CBX3: variants seen among roughly 807,000 people sequenced by gnomAD.
The protein encoded by CBX3 is chromobox 3.
In CBX3, 5 loss-of-function variants were observed where a neutral mutation model predicts 22.6. The ratio of observed to expected loss-of-function variants is 0.22; its 90% confidence interval spans 0.12 to 0.47. The LOEUF (loss-of-function observed/expected upper bound fraction) is 0.47, where lower values mean the gene tolerates loss of function less well. Among genes scored for constraint, CBX3 ranks in the 20% least tolerant of loss-of-function variants. The pLI is 0.99. For missense variants in CBX3, 83 were observed against 208.1 expected (o/e 0.40, Z 3.70); for synonymous variants, 50 against 66.6 (o/e 0.75, Z 1.21).
rs1437956252 is a variant in CBX3 at position 26,208,377 on chromosome 7, A to C, written c.168-16A>C. ...TAATTCAATCACCTTTTTTTTTTTT[A>C]ATAAACTAAACACAGTGCTGACAAT... On this transcript the variant is annotated splice_polypyrimidine_tract_variant and intron_variant, in intron 3 of 5. Coordinates refer to ENST00000396386, the MANE Select transcript of CBX3 (RefSeq NM_016587.4). 1 of 1,493,970 alleles carries C rather than the reference A, an allele frequency of 6.7e-7. No homozygotes were observed. The highest frequency in any genetic ancestry group is 1.3e-5 in the South Asian group (1 of 78,086). The allele number at this position is 1,493,970 out of a possible 1,614,324, so 92.5% of individuals were successfully genotyped here. A position where few individuals can be genotyped will look rare whatever the true frequency, so the allele number is the denominator to read the frequency against.
In CBX3 at chr7:26,213,301, T is replaced by C. The variant is rs1377906824; in HGVS notation, c.*1093T>C. 6.5e-6 allele frequency: 1 copy of C among 152,722 alleles called. No homozygotes were observed. Among genetic ancestry groups the C allele is most frequent in the Non-Finnish European group, 1.5e-5 (1 of 68,050 alleles). The allele number at this position is 152,722 out of a possible 1,614,324, so 9.5% of individuals were successfully genotyped here. On this transcript the variant is annotated 3_prime_UTR_variant, in exon 6 of 6. Coordinates refer to ENST00000396386, the MANE Select transcript of CBX3 (RefSeq NM_016587.4). ...TTATCCAACTGTATATTGTTTACTT[T>C]ATTGTAAATACTGGTGAACAGTGGT...
chr7:26,204,178 C>G (rs949381548), intron 2 of CBX3, among the ~76,000 whole-genome samples: 1 of 151,194 alleles, frequency 6.6e-6, no homozygotes, highest in African/African-American at 2.4e-5. Flanking sequence ...GCATTTGAAA[C>G]TAGCTTATGA....
chr7:26,208,316 T>C, intron 3 of CBX3, 77 bp from the exon 4 acceptor site: 1 of 1,224,350 alleles, frequency 8.2e-7, no homozygotes, highest in Middle Eastern at 2.1e-4. Context: ...CGGGTGTCTA[T>C]TAAAATAGAT....
At chr7:26,208,855 T>C in intron 4 of CBX3, among the ~76,000 whole-genome samples, 1 of 146,880 alleles carries the variant, frequency 6.8e-6, no homozygotes, top group Admixed American at 7.1e-5. Context: ...CCTGACCTCA[T>C]GATCCTCCCG....
At chr7:26,207,260 T>C (rs1224481350) in intron 3 of CBX3, among the ~76,000 whole-genome samples, 1 of 152,250 alleles carries the variant, frequency 6.6e-6, no homozygotes, top group African/African-American at 2.4e-5. Context: ...GCTCTTCACA[T>C]TTAATTCATA....
At chr7:26,208,659 C>T (rs1008142598) in intron 4 of CBX3, 104 bp downstream of exon 4, 19 of 1,111,870 alleles carry the variant, frequency 1.7e-5, no homozygotes, top group Non-Finnish European at 2.2e-5. Flanking sequence ...TTGCTCTTGT[C>T]GCCCAGGCTG....
chr7:26,208,364 C>T (rs1784728041), intron 3 of CBX3, 29 bp from the exon 4 acceptor site: 18 of 1,179,588 alleles, frequency 1.5e-5, no homozygotes, highest in Middle Eastern at 4.4e-4. Context: ...ATTCAATCAC[C>T]TTTTTTTTTT....
intron 2 of CBX3, among the ~76,000 whole-genome samples, chr7:26,205,083 C>T (rs1439261291): frequency 2.0e-5 from 3 of 152,216 alleles, no homozygotes; most frequent in Non-Finnish European, 2.9e-5. Flanking sequence ...GCCACTGCCC[C>T]CGGCAATAGC....
intron 3 of CBX3, chr7:26,208,048 T>TAA (rs571628520): frequency 2.3e-4 from 33 of 142,570 alleles, no homozygotes; most frequent in Admixed American, 4.2e-4. Flanking sequence ...CCTTCTCTAT[T>TAA]AAAAAAAAAA....
chr7:26,211,693 T>A lies in CBX3; in HGVS notation c.362T>A (p.Leu121His). The change falls in exon 5 of 6, where the codon CTT becomes CAT. Residue 121 changes from leucine (L) to histidine (H), a missense_variant. Around this residue, in one of 3 missense-constraint regions of CBX3, gnomAD observed 59 missense variants for 155.0 expected, o/e 0.38. Coordinates refer to ENST00000396386, the MANE Select transcript of CBX3 (RefSeq NM_016587.4). ...AAACCAAGAGGATTTGCCAGAGGTC[T>A]TGATCCTGAAAGAATAATTGGTGCC... is the stretch of plus-strand genomic sequence containing the variant. Reference protein sequence around the residue: ...ADKPRGFARGLDPERIIGATD... With the variant: ...ADKPRGFARGHDPERIIGATD... 1 of 1,611,268 alleles carries A rather than the reference T, an allele frequency of 6.2e-7. No homozygotes were observed.
At chr7:26,210,184 T>G (rs918774157) in intron 4 of CBX3, 1 of 152,230 alleles carries the variant, frequency 6.6e-6, no homozygotes. Context: ...TCTCAGCTAC[T>G]TGGGAGGCTG....
In CBX3 at chr7:26,212,361, G is replaced by A. The variant is rs1321726459; in HGVS notation, c.*153G>A. 5.1e-6 allele frequency: 2 copies of A among 393,754 alleles called. No homozygotes were observed. Among genetic ancestry groups the A allele is most frequent in the Non-Finnish European group, 7.9e-6 (2 of 252,624 alleles). The allele number at this position is 393,754 out of a possible 1,614,324, so 24.4% of individuals were successfully genotyped here. A position where few individuals can be genotyped will look rare whatever the true frequency, so the allele number is the denominator to read the frequency against. On this transcript the variant is annotated 3_prime_UTR_variant, in exon 6 of 6. Coordinates refer to ENST00000396386, the MANE Select transcript of CBX3 (RefSeq NM_016587.4). The stretch of plus-strand genomic sequence containing the variant: ...AGTAGCGTTGGAAGAGTTGTTGGGG[G>A]TTTTTTGCATCCATAGCACTGGTTA...
At chr7:26,204,814 A>T (rs989410502) in intron 2 of CBX3, among the ~76,000 whole-genome samples, 1 of 151,834 alleles carries the variant, frequency 6.6e-6, no homozygotes, top group Non-Finnish European at 1.5e-5. Flanking sequence ...TTTGAGACAG[A>T]GTTTTTCTCT....
At chr7:26,203,700 T>G (rs1356068186) in intron 2 of CBX3, among the ~76,000 whole-genome samples, 2 of 152,190 alleles carry the variant, frequency 1.3e-5, no homozygotes, top group South Asian at 4.1e-4. Flanking sequence ...AAGTTACAGT[T>G]TTCACAATAT....
rs369134863 is a variant in CBX3 at position 26,213,385 on chromosome 7, G to A, written c.*1177G>A. ...TTAGACTTTTTTCTTTATTTGATAT[G>A]CCTTTACAGTAGAAATAGAAATGCC... On this transcript the variant is annotated 3_prime_UTR_variant, in exon 6 of 6. Coordinates refer to ENST00000396386, the MANE Select transcript of CBX3 (RefSeq NM_016587.4). The A allele has an allele frequency of 6.6e-6, 1 of 151,654 alleles. No individual in the cohort carries two copies. Among genetic ancestry groups the A allele is most frequent in the African/African-American group, 2.4e-5 (1 of 41,120 alleles). The allele number at this position is 151,654 out of a possible 1,614,324, so 9.4% of individuals were successfully genotyped here.
At chr7:26,206,321 A>G in intron 2 of CBX3, 47 bp from the exon 3 acceptor site, 1 of 1,336,750 alleles carries the variant, frequency 7.5e-7, no homozygotes, top group Non-Finnish European at 1.0e-6. Context: ...AAATGTGCTC[A>G]AAATTCAAGA....
rs1025560867 is a variant in CBX3, at chr7:26,210,619, T to C, written c.331-1043T>C. 12 of 152,302 alleles carry C rather than the reference T, an allele frequency of 7.9e-5. No homozygotes were observed. In the East Asian group the frequency reaches 2.3e-3, roughly 29 times the overall value. The allele number at this position is 152,302 out of a possible 1,614,324, so 9.4% of individuals were successfully genotyped here. The stretch of plus-strand genomic sequence containing the variant: ...AACTTTTTTTGGTCTCAGGGCCTCT[T>C]TATACTCTAAAAAAATTATTGAGGA... On this transcript the variant is annotated intron_variant, in intron 4 of 5. Transcript: ENST00000396386.
intron 2 of CBX3, among the ~76,000 whole-genome samples, chr7:26,203,594 G>A (rs996417548): frequency 1.3e-5 from 2 of 152,074 alleles, no homozygotes; most frequent in African/African-American, 4.8e-5. Flanking sequence ...AGCCAGAAGG[G>A]AGAAAAGGCT....
At chr7:26,206,726 C>G (rs908277357) in intron 3 of CBX3, among the ~76,000 whole-genome samples, 13 of 152,100 alleles carry the variant, frequency 8.5e-5, no homozygotes, top group Non-Finnish European at 1.6e-4. Flanking sequence ...GTTTATTACC[C>G]TGGGGAGTCA....
Sources: allele counts gnomAD v4.1 joint callset (sites outside exome capture counted in the v4.1 genomes callset), GRCh38; gene constraint gnomAD v4.1.1; regional missense constraint gnomAD v4.1.1; transcripts MANE v1.5; gene names NCBI Gene and HGNC (gene_info 2026-07-23, HGNC 2026-07-21).